COL6A3: variants seen among roughly 807,000 people sequenced by gnomAD.
The protein encoded by COL6A3 is collagen alpha-3(VI) chain.
In COL6A3, 137 loss-of-function variants were observed where a neutral mutation model predicts 274.1. The ratio of observed to expected loss-of-function variants is 0.50; its 90% CI spans 0.44 to 0.58. COL6A3 has a LOEUF of 0.58. Among genes scored for constraint, COL6A3 ranks in the 20% least tolerant of loss-of-function variants. The probability of loss-of-function intolerance (pLI) is 0.00; values close to 1 mark genes in which losing one functional copy is unlikely to be tolerated. For synonymous variants in COL6A3, 1,650 were observed against 1,650.6 expected (o/e 1.00, Z 0.01); for missense variants, 3,950 against 4,124.9 (o/e 0.96, Z 1.16).
At chr2:237,411,130 G>A (rs1312691994) in intron 1 of COL6A3, among the ~76,000 whole-genome samples, 4 of 152,130 alleles carry the variant, frequency 2.6e-5, no homozygotes, top group South Asian at 4.1e-4. Flanking sequence ...CGTAAGTCAG[G>A]GTGGAAAAGC....
chr2:237,406,538 CA>C (rs2078723430), intron 1 of COL6A3, among the ~76,000 whole-genome samples: 1 of 152,132 alleles, frequency 6.6e-6, no homozygotes, highest in East Asian at 1.9e-4. Flanking sequence ...AATAGAAAGT[CA>C]AATTTCAGTA....
chr2:237,354,981 C>T, intron 23 of COL6A3, 47 bp from the exon 24 acceptor site: 4 of 1,579,040 alleles, frequency 2.5e-6, no homozygotes, highest in South Asian at 1.1e-5. Flanking sequence ...GCATGGGACG[C>T]TGGGCATGGG....
At chr2:237,339,184 G>T (rs540846936) in intron 38 of COL6A3, 67 bp from the exon 39 acceptor site, 90 of 1,131,692 alleles carry the variant, frequency 8.0e-5, no homozygotes, top group Admixed American at 1.2e-4. Flanking sequence ...AAATTAATCT[G>T]TCAACAAGTT....
Position 237,344,309 on chromosome 2 carries a change from A to C in COL6A3, c.7668+41T>G, listed in dbSNP as rs574635391. ...TGTCTGAGAACCTTCTCAGAGCCCC[A>C]GAAGAAAGGGAGATGCCAACAGCAC... is the stretch of plus-strand genomic sequence containing the variant. On this transcript the variant is annotated intron_variant, in intron 36 of 43. Transcript: ENST00000295550. This position sits in a 1 kb window ranked among gnomAD's most constrained non-coding sequence, Gnocchi z 4.8. The C allele has an allele frequency of 1.6e-5, 26 of 1,613,972 alleles. No individual in the cohort carries two copies. Among genetic ancestry groups the C allele is most frequent in the African/African-American group, 1.5e-4 (11 of 75,050 alleles).
intron 4 of COL6A3, among the ~76,000 whole-genome samples, 157 bp from the exon 5 acceptor site, chr2:237,381,656 C>G (rs1412357194): frequency 2.6e-5 from 4 of 152,228 alleles, no homozygotes; most frequent in Non-Finnish European, 5.9e-5. Context: ...CTAATGAACA[C>G]ATAAGTTATG....
In COL6A3 at chr2:237,374,427, G is replaced by A. The variant is rs1553560314; in HGVS notation, c.3664C>T (p.Pro1222Ser). 1.2e-6 allele frequency: 2 copies of A among 1,613,232 alleles called. No individual in the cohort carries two copies. Among genetic ancestry groups the A allele is most frequent in the Non-Finnish European group, 8.5e-7 (1 of 1,179,968 alleles). The change falls in exon 8 of 44, where the codon CCT (proline) becomes TCT (serine). Residue 1222 changes from proline (P) to serine (S), a missense_variant. Coordinates refer to ENST00000295550, the MANE Select transcript of COL6A3 (RefSeq NM_004369.4). This position sits in a 1 kb window ranked among gnomAD's most constrained non-coding sequence, Gnocchi z 4.8. ...CCCTGCGTACCTGGGCTCGGTAGAG[G>A]CTGCAACACCGGCTGCAGCCTGCTC... ...ELSRLQPVLQ[P>S]LPSPGVGGKR...
At chr2:237,363,786 A>C (rs1334807016) in intron 13 of COL6A3, among the ~76,000 whole-genome samples, 1 of 152,230 alleles carries the variant, frequency 6.6e-6, no homozygotes, top group Non-Finnish European at 1.5e-5. Flanking sequence ...GCTAATAAAT[A>C]GAAAGTTCTT....
At chr2:237,346,742 C>T (rs987344155) in intron 31 of COL6A3, among the ~76,000 whole-genome samples, 177 bp from the exon 32 acceptor site, 10 of 152,116 alleles carry the variant, frequency 6.6e-5, no homozygotes, top group Non-Finnish European at 1.2e-4. Flanking sequence ...GACAAGCAAC[C>T]TCAACAAAGC....
Position 237,371,563 on chromosome 2 carries a change from A to G in COL6A3, c.4285+169T>C. On this transcript the variant is annotated intron_variant, in intron 9 of 43. Coordinates refer to ENST00000295550, the MANE Select transcript of COL6A3 (RefSeq NM_004369.4). The surrounding 1 kb of genome is among the most constrained non-coding windows in gnomAD (Gnocchi z 4.3). Reference sequence around the variant, plus strand: ...AAATGAGTTATGATCATGCCACTGCACTCCAGCCTGGACGACAGAGCCAGA... The same window carrying G: ...AAATGAGTTATGATCATGCCACTGCGCTCCAGCCTGGACGACAGAGCCAGA... 7.0e-7 allele frequency: 1 copy of G among 1,423,066 alleles called. No individual in the cohort carries two copies. The highest frequency in any genetic ancestry group is 9.2e-7 in the Non-Finnish European group (1 of 1,081,342). The allele number at this position is 1,423,066 out of a possible 1,614,324, so 88.2% of individuals were successfully genotyped here. A position where few individuals can be genotyped will look rare whatever the true frequency, so the allele number is the denominator to read the frequency against.
intron 42 of COL6A3, chr2:237,333,052 A>G (rs1700345066): frequency 9.5e-6 from 3 of 316,178 alleles, no homozygotes; most frequent in Non-Finnish European, 1.9e-5. Context: ...CATGGATTCC[A>G]GCCAAATTTG....
At chr2:237,339,146 G>A (rs781188106) in intron 38 of COL6A3, 29 bp from the exon 39 acceptor site, 2 of 1,460,552 alleles carry the variant, frequency 1.4e-6, no homozygotes, top group Non-Finnish European at 1.9e-6. Context: ...GAAAACAATT[G>A]AACCGCATGC....
At chr2:237,383,313 T>A (rs916985596) in intron 4 of COL6A3, among the ~76,000 whole-genome samples, 2 of 152,244 alleles carry the variant, frequency 1.3e-5, no homozygotes, top group African/African-American at 4.8e-5. Context: ...AGTTGCCTAC[T>A]GGTGTAACAA....
At position 237,368,605 on chromosome 2, in the gene COL6A3, G is replaced by T. The variant is rs2077609076; in HGVS notation, c.4858C>A (p.Pro1620Thr). ...GGGGTGTCCACCCCTGGAGGTGCAG[G>T]AGTGGCTGCGGAGGGTCCAAACGAG... ...MNSFGPSAAT[P>T]APPGVDTPPP... is the part of the protein sequence containing the mutation. The change falls in exon 10 of 44, where the codon CCT becomes ACT. Residue 1620 changes from proline to threonine, a missense_variant. This residue lies in a region of COL6A3 where 632 missense variants were observed against 623.4 expected (regional missense o/e 1.01). Coordinates refer to ENST00000295550, the MANE Select transcript of COL6A3 (RefSeq NM_004369.4). The surrounding 1 kb of genome is among the most constrained non-coding windows in gnomAD (Gnocchi z 4.4). 1 of 1,614,002 alleles carries T rather than the reference G, an allele frequency of 6.2e-7. No individual in the cohort carries two copies. The highest frequency in any genetic ancestry group is 1.3e-5 in the African/African-American group (1 of 74,904).
chr2:237,353,378 G>T lies in COL6A3; in HGVS notation c.6653C>A (p.Pro2218Gln). ...GGTCCCCTGCTCTCCCTCAAAGCCC[G>T]GCTGGCCAGGACCGCCCTTGTTGCC... ...AKGNKGGPGQ[P>Q]GFEGEQGTRG... The change falls in exon 25 of 44, where the codon CCG (proline) becomes CAG (glutamine). Residue 2218 changes from proline (P) to glutamine (Q), a missense_variant. Around this residue, in one of 5 missense-constraint regions of COL6A3, gnomAD observed 1,284 missense variants for 1,349.7 expected, o/e 0.95. Coordinates refer to ENST00000295550, the MANE Select transcript of COL6A3 (RefSeq NM_004369.4). The T allele has an allele frequency of 1.2e-6, 2 of 1,614,030 alleles. No homozygotes were observed. The highest frequency in any genetic ancestry group is 1.7e-6 in the Non-Finnish European group (2 of 1,180,020).
At position 237,348,639 on chromosome 2, in the gene COL6A3, C is replaced by T. The variant is rs2077144231; in HGVS notation, c.6904G>A (p.Gly2302Ser). 3.7e-6 allele frequency: 6 copies of T among 1,614,040 alleles called. No homozygotes were observed. Among genetic ancestry groups the T allele is most frequent in the Non-Finnish European group, 5.1e-6 (6 of 1,180,036 alleles). ...TTTTTGCCTCTGCGTCCTTCACTGCCAACTCCGTCTCTCCCGTCATCTCCC... is the reference window on the plus strand; with the variant it reads ...TTTTTGCCTCTGCGTCCTTCACTGCTAACTCCGTCTCTCCCGTCATCTCCC... ...ETGDDGRDGV[G>S]SEGRRGKKGE... The change falls in exon 29 of 44, where the codon GGC becomes AGC. Residue 2302 changes from glycine (G) to serine (S), a missense_variant. Gly to Ser is a moderately conservative substitution (Grantham distance 56). This residue lies in a region of COL6A3 where 1,284 missense variants were observed against 1,349.7 expected (regional missense o/e 0.95). Coordinates refer to ENST00000295550, the MANE Select transcript of COL6A3 (RefSeq NM_004369.4).
intron 31 of COL6A3, among the ~76,000 whole-genome samples, chr2:237,346,866 G>A (rs1400028660): frequency 6.6e-6 from 1 of 151,930 alleles, no homozygotes; most frequent in Non-Finnish European, 1.5e-5. Context: ...GGACTCCCAG[G>A]AGAATAGGTA....
Position 237,364,814 on chromosome 2 carries a change from CGT to C in COL6A3, c.5839-388_5839-387del, listed in dbSNP as rs1303728106. On this transcript the variant is annotated intron_variant, in intron 12 of 43. Transcript: ENST00000295550. The surrounding 1 kb of genome is among the most constrained non-coding windows in gnomAD (Gnocchi z 4.6). ...TGCATTGTGTGTGCATGTGTGTGCA[CGT>C]GTGTGTGCATGTGTGGGTGTGTGGG... 8.4e-5 allele frequency among the ~76,000 whole-genome samples: 8 copies of C among 95,650 alleles called. No homozygotes were observed. The highest frequency in any genetic ancestry group is 7.6e-4 in the Admixed American group (6 of 7,856). 62.8% of individuals were successfully genotyped at this position (95,650 alleles called of 152,430 possible).
chr2:237,352,427 G>T, intron 26 of COL6A3, 95 bp downstream of exon 26: 1 of 1,255,218 alleles, frequency 8.0e-7, no homozygotes, highest in Non-Finnish European at 1.1e-6. Flanking sequence ...AGGGAGGTCT[G>T]TCTACAATAG....
rs111902237 is a variant in COL6A3, at chr2:237,348,332, G to A, written c.6966+17C>T. ...CCCAAAATCATGATGATGCTTCACC[G>A]ACCAGGGATTATTTACCTTTGGTCC... is the stretch of plus-strand genomic sequence containing the variant. On this transcript the variant is annotated intron_variant, in intron 30 of 43. Coordinates refer to ENST00000295550, the MANE Select transcript of COL6A3 (RefSeq NM_004369.4). 8.7e-6 allele frequency: 14 copies of A among 1,602,874 alleles called. No homozygotes were observed. Among genetic ancestry groups the A allele is most frequent in the East Asian group, 4.5e-5 (2 of 44,836 alleles).
Sources: allele counts gnomAD v4.1 joint callset (sites outside exome capture counted in the v4.1 genomes callset), GRCh38; gene constraint gnomAD v4.1.1; regional missense constraint gnomAD v4.1.1; non-coding constraint Gnocchi (gnomAD v3.1); transcripts MANE v1.5; gene names NCBI Gene and HGNC (gene_info 2026-07-23, HGNC 2026-07-21).